SDK1: variants seen among roughly 807,000 people sequenced by gnomAD.
SDK1 encodes protein sidekick-1.
Under a neutral mutation model 245.5 loss-of-function variants are expected in SDK1, and 157 were observed. The observed-to-expected ratio is 0.64, with a 90% CI of 0.56 to 0.73. The LOEUF is 0.73. SDK1 is among the 30% of genes least tolerant of loss of function. SDK1 has a pLI of 0.00. For synonymous variants in SDK1, 1,647 were observed against 1,278.5 expected (o/e 1.29, Z -6.15); for missense variants, 3,583 against 3,002.3 (o/e 1.19, Z -4.52).
At chr7:3,858,054 G>C (rs1317923749) in intron 5 of SDK1, among the ~76,000 whole-genome samples, 1 of 152,138 alleles carries the variant, frequency 6.6e-6, no homozygotes, top group East Asian at 1.9e-4. Context: ...TTGTCAAGAT[G>C]ATTCTGAAGT....
rs545851592 is a variant in SDK1 at position 3,676,365 on chromosome 7, G to A, written c.713+34260G>A. Among the ~76,000 whole-genome samples, 62 of 139,098 alleles carry A rather than the reference G, an allele frequency of 4.5e-4. No homozygotes were observed. In the East Asian group the frequency reaches 5.9e-3, roughly 13 times the overall value. 91.3% of individuals were successfully genotyped at this position (139,098 alleles called of 152,430 possible). A position where few individuals can be genotyped will look rare whatever the true frequency, so the allele number is the denominator to read the frequency against. ...TTTTGAGACGGAGTCTTGCTCTGTC[G>A]CCCAGGCTGGAGTGCAGTGGCGCAG... On this transcript the variant is annotated intron_variant, in intron 4 of 44. Coordinates refer to ENST00000404826, the MANE Select transcript of SDK1 (RefSeq NM_152744.4).
chr7:3,930,579 T>A (rs1779942673), intron 5 of SDK1, among the ~76,000 whole-genome samples: 1 of 152,220 alleles, frequency 6.6e-6, no homozygotes, highest in Non-Finnish European at 1.5e-5. Context: ...AATCCTGGCA[T>A]CAAATTAAGC....
At chr7:4,203,422 G>C (rs939473141) in intron 35 of SDK1, among the ~76,000 whole-genome samples, 1 of 152,078 alleles carries the variant, frequency 6.6e-6, no homozygotes, top group African/African-American at 2.4e-5. Flanking sequence ...GAAAACCCCA[G>C]CTTTGCACCT....
chr7:4,073,546 G>A (rs1053234040), intron 20 of SDK1, among the ~76,000 whole-genome samples: 2 of 152,218 alleles, frequency 1.3e-5, no homozygotes, highest in African/African-American at 2.4e-5. Flanking sequence ...AGTAAATTCT[G>A]ATGAAAAACA....
At chr7:3,641,193 T>A (rs1228600991) in intron 3 of SDK1, among the ~76,000 whole-genome samples, 1 of 152,182 alleles carries the variant, frequency 6.6e-6, no homozygotes, top group African/African-American at 2.4e-5. Flanking sequence ...TCAAACTTAT[T>A]TATGTTTAAA....
At chr7:3,639,159 C>T (rs780256863) in intron 3 of SDK1, 49 bp downstream of exon 3, 3 of 1,033,930 alleles carry the variant, frequency 2.9e-6, no homozygotes, top group South Asian at 1.6e-5. Flanking sequence ...CAAAGTGTCG[C>T]TGGGGAGTCA....
intron 4 of SDK1, among the ~76,000 whole-genome samples, chr7:3,708,877 G>A (rs922177946): frequency 2.6e-5 from 4 of 152,242 alleles, no homozygotes; most frequent in African/African-American, 9.6e-5. Flanking sequence ...TTTAAGTGGA[G>A]CATTTAGGCC....
intron 26 of SDK1, 63 bp downstream of exon 26, chr7:4,127,559 G>A (rs2128196982): frequency 1.6e-6 from 2 of 1,212,524 alleles, no homozygotes; most frequent in Middle Eastern, 1.9e-4. Flanking sequence ...GGGAGCATGT[G>A]CTATTCCCCC....
intron 4 of SDK1, among the ~76,000 whole-genome samples, chr7:3,715,399 C>A (rs1785170767): frequency 6.6e-6 from 1 of 152,128 alleles, no homozygotes; most frequent in Non-Finnish European, 1.5e-5. Context: ...CCTCAGGTGG[C>A]ACTAGTCAAG....
chr7:3,539,671 A>C (rs1018045444), intron 1 of SDK1, among the ~76,000 whole-genome samples: 2 of 152,242 alleles, frequency 1.3e-5, no homozygotes, highest in African/African-American at 4.8e-5. Flanking sequence ...AAAGGGTTGT[A>C]GATTGAATGA....
intron 4 of SDK1, among the ~76,000 whole-genome samples, chr7:3,781,462 C>G (rs1049668382): frequency 6.6e-6 from 1 of 152,068 alleles, no homozygotes; most frequent in South Asian, 2.1e-4. Flanking sequence ...CCTGTAAAGG[C>G]CAGAAAAGGG....
At chr7:3,399,016 A>C (rs189874691) in intron 1 of SDK1, among the ~76,000 whole-genome samples, 8 of 152,138 alleles carry the variant, frequency 5.3e-5, no homozygotes, top group Non-Finnish European at 1.2e-4. Flanking sequence ...CGAGCTCTTT[A>C]CATGTTGCAA....
chr7:3,675,582 TG>T (rs1783867302), intron 4 of SDK1, among the ~76,000 whole-genome samples: 1 of 151,884 alleles, frequency 6.6e-6, no homozygotes, highest in African/African-American at 2.4e-5. Flanking sequence ...TTTGTTTGTT[TG>T]TTTGTAAAGA....
At chr7:4,225,503 C>T (rs1256080165) in intron 40 of SDK1, among the ~76,000 whole-genome samples, 1 of 152,050 alleles carries the variant, frequency 6.6e-6, no homozygotes, top group Non-Finnish European at 1.5e-5. Flanking sequence ...TTCCAGGCAG[C>T]GATAAGGCAT....
chr7:3,457,667 T>G (rs1780712869), intron 1 of SDK1, among the ~76,000 whole-genome samples: 1 of 152,174 alleles, frequency 6.6e-6, no homozygotes, highest in African/African-American at 2.4e-5. Context: ...GGCTTATTAT[T>G]TCCTTTTCCT....
At chr7:3,725,275 A>G (rs976261707) in intron 4 of SDK1, among the ~76,000 whole-genome samples, 8 of 152,200 alleles carry the variant, frequency 5.3e-5, no homozygotes, top group African/African-American at 1.9e-4. Flanking sequence ...CAGCAATTTC[A>G]TGAGATCCAA....
At chr7:3,475,646 G>T (rs975569385) in intron 1 of SDK1, among the ~76,000 whole-genome samples, 13 of 152,090 alleles carry the variant, frequency 8.5e-5, no homozygotes. Context: ...TTATGGCCAG[G>T]TTTTCCCCCT....
At chr7:3,869,567 C>G (rs1181510368) in intron 5 of SDK1, among the ~76,000 whole-genome samples, 1 of 152,210 alleles carries the variant, frequency 6.6e-6, no homozygotes, top group East Asian at 1.9e-4. Flanking sequence ...CCCTGTGCCC[C>G]CAGCCCGCTG....
At chr7:3,428,105 A>G (rs1779727436) in intron 1 of SDK1, among the ~76,000 whole-genome samples, 3 of 152,182 alleles carry the variant, frequency 2.0e-5, no homozygotes, top group Admixed American at 6.5e-5. Flanking sequence ...CAGCACAACT[A>G]TATGCTTTTC....
Sources: gnomAD v4.1 joint callset for allele counts (sites outside exome capture counted in the v4.1 genomes callset) on GRCh38, gnomAD v4.1.1 for gene constraint, MANE v1.5 for transcripts, NCBI Gene and HGNC (gene_info 2026-07-23, HGNC 2026-07-21) for gene names.